Variants in VAT1 observed in about 807,000 individuals in gnomAD.
VAT1 encodes vesicle amine transport 1.
A neutral mutation model predicts 33.3 loss-of-function variants in VAT1; 24 were observed. That is an observed-to-expected ratio of 0.72 (90% CI 0.52 to 1.01). The LOEUF (loss-of-function observed/expected upper bound fraction) is 1.01, where lower values mean the gene tolerates loss of function less well. VAT1 is among the 50% of genes least tolerant of loss of function. The pLI, the probability that VAT1 is intolerant of heterozygous loss-of-function variation, is 0.00. For missense variants in VAT1, 436 were observed against 533.7 expected (o/e 0.82, Z 1.80); for synonymous variants, 212 against 225.0 (o/e 0.94, Z 0.52).
chr17:43,017,666 C>T (rs1222314088), intron 4 of VAT1, among the ~76,000 whole-genome samples, 175 bp downstream of exon 4: 1 of 151,824 alleles, frequency 6.6e-6, no homozygotes, highest in Non-Finnish European at 1.5e-5. Context: ...AGAGCTGGTA[C>T]CCAAGAGTCA....
At position 43,021,605 on chromosome 17, in the gene VAT1, A is replaced by AT. The variant is rs1167191485; in HGVS notation, c.387+330dup. 0.023 allele frequency among the ~76,000 whole-genome samples: 9 copies of AT among 386 alleles called. No individual in the cohort carries two copies. The East Asian group carries it at 0.33, about 14-fold the overall frequency. 0.3% of individuals were successfully genotyped at this position (386 alleles called of 152,430 possible). ...GGGTAGGGGTACAGGTGTGGTTTTAATGGGGGGGGGGGGGGGGGGTGGGGA... is the reference window on the plus strand; with the variant it reads ...GGGTAGGGGTACAGGTGTGGTTTTAATTGGGGGGGGGGGGGGGGGGTGGGGA... On this transcript the variant is annotated intron_variant, in intron 1 of 5. Transcript: ENST00000355653.
chr17:43,019,860 C>A (rs577450081), intron 1 of VAT1, among the ~76,000 whole-genome samples: 1 of 152,044 alleles, frequency 6.6e-6, no homozygotes, highest in African/African-American at 2.4e-5. Flanking sequence ...TGTATATTAA[C>A]AAGAGTTAGG....
intron 3 of VAT1, 30 bp downstream of exon 3, chr17:43,018,006 C>T: frequency 6.2e-7 from 1 of 1,612,816 alleles, no homozygotes; most frequent in Non-Finnish European, 8.5e-7. Context: ...TCCTGTGCCT[C>T]CCTACCCCCT....
Position 43,022,146 on chromosome 17 carries a change from G to C in VAT1, c.177C>G (p.Tyr59Ter). 1 of 1,560,036 alleles carries C rather than the reference G, an allele frequency of 6.4e-7. No homozygotes were observed. Among genetic ancestry groups the C allele is most frequent in the Non-Finnish European group, 8.7e-7 (1 of 1,152,090 alleles). Reference protein sequence around the residue: ...RCLVLTGFGGYDKVKLQSRPA... With the variant: ...RCLVLTGFGG ...GCCGGCTCTGCAGCTTCACCTTGTC[G>C]TAGCCTCCAAAGCCGGTGAGCACTA... The change falls in exon 1 of 6, where the codon TAC becomes TAG. Residue 59 changes from tyrosine to a stop codon, truncating the protein, a stop_gained. Coordinates refer to ENST00000355653, the MANE Select transcript of VAT1 (RefSeq NM_006373.4). LOFTEE classifies it high-confidence loss of function.
chr17:43,021,807 C>T (rs1039491649), intron 1 of VAT1, 129 bp downstream of exon 1: 8 of 1,455,658 alleles, frequency 5.5e-6, no homozygotes, highest in Admixed American at 2.5e-5. Context: ...CTTGGCTACG[C>T]TTTCCACGCT....
chr17:43,016,703 A>T (rs2050523306), intron 4 of VAT1, among the ~76,000 whole-genome samples, 155 bp from the exon 5 acceptor site: 1 of 152,114 alleles, frequency 6.6e-6, no homozygotes, highest in Non-Finnish European at 1.5e-5. Flanking sequence ...ACCAGGCCCA[A>T]ACCAACCCTG....
intron 1 of VAT1, 120 bp downstream of exon 1, chr17:43,021,816 C>A: frequency 6.8e-7 from 1 of 1,478,572 alleles, no homozygotes; most frequent in Non-Finnish European, 9.0e-7. Flanking sequence ...GCTTTCCACG[C>A]TCGTGCACCC....
Position 43,022,249 on chromosome 17 carries a change from G to A in VAT1, c.74C>T (p.Ala25Val), listed in dbSNP as rs1226219216. 1 of 1,581,988 alleles carries A rather than the reference G, an allele frequency of 6.3e-7. No homozygotes were observed. Among genetic ancestry groups the A allele is most frequent in the Non-Finnish European group, 8.6e-7 (1 of 1,165,004 alleles). ...DASSPPPKTE[A>V]ASDPQHPAAS... Reference sequence around the variant, plus strand: ...CGCGGGATGCTGGGGGTCGCTCGCTGCCTCGGTTTTCGGAGGCGGCGAAGA... The same window carrying A: ...CGCGGGATGCTGGGGGTCGCTCGCTACCTCGGTTTTCGGAGGCGGCGAAGA... Residue 25 changes from alanine to valine, a missense_variant, in exon 1 of 6, where the codon GCA becomes GTA. By Grantham distance (64) the Ala-to-Val change is moderately conservative (BLOSUM62 0). Transcript: ENST00000355653.
Position 43,015,967 on chromosome 17 carries a change from A to T in VAT1, c.*94T>A. On this transcript the variant is annotated 3_prime_UTR_variant, in exon 6 of 6. Coordinates refer to ENST00000355653, the MANE Select transcript of VAT1 (RefSeq NM_006373.4). The stretch of plus-strand genomic sequence containing the variant: ...TTCGGGGGAGGGAGGGCAGAGCATT[A>T]TGACAGAGGCTGAAATGCAAGTCTG... The T allele has an allele frequency of 7.1e-7, 1 of 1,408,174 alleles. No homozygotes were observed. Among genetic ancestry groups the T allele is most frequent in the Non-Finnish European group, 1.0e-6 (1 of 1,004,238 alleles). 87.2% of individuals were successfully genotyped at this position (1,408,174 alleles called of 1,614,324 possible). A position where few individuals can be genotyped will look rare whatever the true frequency, so the allele number is the denominator to read the frequency against.
At chr17:43,021,867 G>A (rs1013808431) in intron 1 of VAT1, 69 bp downstream of exon 1, 2 of 1,572,216 alleles carry the variant, frequency 1.3e-6, no homozygotes, top group South Asian at 1.1e-5. Context: ...CACCCCCGGC[G>A]CTCGCCCACT....
In VAT1 at chr17:43,022,297, T is replaced by C; in HGVS notation, c.26A>G (p.Glu9Gly). 6.3e-7 allele frequency: 1 copy of C among 1,584,980 alleles called. No homozygotes were observed. MSDEREVA[E>G]AATGEDASSP... ...AGAGGCGTCTTCCCCGGTCGCTGCC[T>C]CGGCTACCTCTCTCTCGTCGGACAT... Residue 9 changes from glutamate (E) to glycine (G), a missense_variant, in exon 1 of 6, where the codon GAG becomes GGG. Physicochemically the swap from Glu to Gly is moderately conservative, Grantham distance 98 (BLOSUM62 -2). Around this residue, in one of 2 missense-constraint regions of VAT1, gnomAD observed 154 missense variants for 128.3 expected, o/e 1.20. Coordinates refer to ENST00000355653, the MANE Select transcript of VAT1 (RefSeq NM_006373.4).
Position 43,022,214 on chromosome 17 carries a change from C to T in VAT1, c.109G>A (p.Gly37Arg). Residue 37 changes from glycine to arginine, a missense_variant, in exon 1 of 6, where the codon GGG becomes AGG. Gly to Arg is a moderately radical substitution (Grantham distance 125, BLOSUM62 -2). Around this residue, in one of 2 missense-constraint regions of VAT1, gnomAD observed 154 missense variants for 128.3 expected, o/e 1.20. Coordinates refer to ENST00000355653, the MANE Select transcript of VAT1 (RefSeq NM_006373.4). ...GGCGAGGCGGCGGCGGCGGCGGCCC[C>T]TTCGGAGGCCGCGGGATGCTGGGGG... is the stretch of plus-strand genomic sequence containing the variant. ...SDPQHPAASE[G>R]AAAAAASPPL... The T allele has an allele frequency of 6.4e-7, 1 of 1,564,706 alleles. No individual in the cohort carries two copies. Among genetic ancestry groups the T allele is most frequent in the South Asian group, 1.2e-5 (1 of 86,686 alleles).
chr17:43,020,081 G>C lies in VAT1; in HGVS notation c.388-1282C>G, dbSNP rs954024230. 30 of 984,148 alleles carry C rather than the reference G, an allele frequency of 3.0e-5. No homozygotes were observed. The African/African-American group carries it at 5.1e-4, about 17-fold the overall frequency. 61.0% of individuals were successfully genotyped at this position (984,148 alleles called of 1,614,324 possible). A position where few individuals can be genotyped will look rare whatever the true frequency, so the allele number is the denominator to read the frequency against. The stretch of plus-strand genomic sequence containing the variant: ...GAACAACCCAGGAGAGCTGCGAGGA[G>C]TGCATTGGTCATTTAGGGTCATGGC... On this transcript the variant is annotated intron_variant, in intron 1 of 5. Transcript: ENST00000355653.
At chr17:43,021,674 TC>T (rs887193083) in intron 1 of VAT1, among the ~76,000 whole-genome samples, 1 of 149,610 alleles carries the variant, frequency 6.7e-6, no homozygotes, top group African/African-American at 2.5e-5. Context: ...CTTATTGTTT[TC>T]CCCCCCACCA....
Position 43,016,324 on chromosome 17 carries a change from C to A in VAT1, c.1081G>T (p.Val361Phe), listed in dbSNP as rs767497552. Residue 361 changes from valine to phenylalanine, a missense_variant, in exon 5 of 6, where the codon GTC becomes TTC. Transcript: ENST00000355653. ...ACATTCACCTTCTCGAAGGGCCAGA[C>A]TGAGTCAATGTGGGGCTTGATGTGG... is the stretch of plus-strand genomic sequence containing the variant. ...QGHIKPHIDS[V>F]WPFEKVADAM... 19 of 1,609,854 alleles carry A rather than the reference C, an allele frequency of 1.2e-5. No individual in the cohort carries two copies. The highest frequency in any genetic ancestry group is 1.6e-5 in the Non-Finnish European group (19 of 1,179,978).
chr17:43,021,937 T>A lies in VAT1; in HGVS notation c.386A>T (p.Lys129Met), dbSNP rs2050572858. 6.2e-7 allele frequency: 1 copy of A among 1,610,328 alleles called. No individual in the cohort carries two copies. Among genetic ancestry groups the A allele is most frequent in the African/African-American group, 1.3e-5 (1 of 74,850 alleles). The change falls in exon 1 of 6, where the codon AAG becomes ATG. Residue 129 changes from lysine (K) to methionine (M), a missense_variant and splice_region_variant. This residue lies in a region of VAT1 where 282 missense variants were observed against 405.4 expected (regional missense o/e 0.70). Transcript: ENST00000355653. ...CCCTGCCCTACGCAACCCGCTCACCTTGCGGTCGCTGACTCCCTCGCCCAC... is the reference window on the plus strand; with the variant it reads ...CCCTGCCCTACGCAACCCGCTCACCATGCGGTCGCTGACTCCCTCGCCCAC... ...IAVGEGVSDRKAGDRVMVLNR... is the reference protein window; with the variant it reads ...IAVGEGVSDRMAGDRVMVLNR...
intron 1 of VAT1, 121 bp from the exon 2 acceptor site, chr17:43,018,920 G>A: frequency 1.2e-6 from 1 of 854,594 alleles, no homozygotes; most frequent in Admixed American, 2.9e-5. Context: ...AGCAGCAATA[G>A]TCATGGTAAT....
intron 2 of VAT1, 86 bp downstream of exon 2, chr17:43,018,506 G>T: frequency 6.7e-7 from 1 of 1,485,138 alleles, no homozygotes; most frequent in Non-Finnish European, 9.2e-7. Flanking sequence ...GTGTTGCCAT[G>T]ACAACAACCC....
intron 1 of VAT1, among the ~76,000 whole-genome samples, chr17:43,020,494 T>C (rs1411372553): frequency 6.6e-6 from 1 of 152,136 alleles, no homozygotes; most frequent in East Asian, 1.9e-4. Flanking sequence ...GCATACAGGA[T>C]GAATCCAACA....
Sources: gnomAD v4.1 joint callset for allele counts (sites outside exome capture counted in the v4.1 genomes callset) on GRCh38, gnomAD v4.1.1 for gene constraint, gnomAD v4.1.1 regional missense constraint, MANE v1.5 for transcripts, NCBI Gene and HGNC (gene_info 2026-07-23, HGNC 2026-07-21) for gene names.